The following MAP3K13 variants were observed in gnomAD, a reference collection of about 807,000 sequenced individuals.
MAP3K13 encodes the protein leucine zipper-bearing kinase.
Under a neutral mutation model 104.0 loss-of-function variants are expected in MAP3K13, and 52 were observed. The ratio of observed to expected loss-of-function variants is 0.50; its 90% CI spans 0.40 to 0.63. MAP3K13 has a LOEUF of 0.63. Ranked by LOEUF, MAP3K13 falls within the 20% of genes least tolerant of loss-of-function variation. MAP3K13 has a pLI of 0.00. For synonymous variants in MAP3K13, 394 were observed against 442.2 expected, an observed-to-expected ratio of 0.89 and a Z score of 1.37; for missense variants, 914 against 1,218.5, an observed-to-expected ratio of 0.75 and a Z score of 3.72.
In MAP3K13 at chr3:185,380,435, C is replaced by T. The variant is rs1464177784; in HGVS notation, c.-86+17067C>T. 3.4e-5 allele frequency among the ~76,000 whole-genome samples: 5 copies of T among 148,112 alleles called. No individual in the cohort carries two copies. The East Asian group carries it at 6.1e-4, about 18-fold the overall frequency. On this transcript the variant is annotated intron_variant, in intron 1 of 13. Transcript: ENST00000265026. Reference sequence around the variant, plus strand: ...CTGAGGCAGGAGAATCGCTTGAACCCGGGAGGCAGAGGTTGCAGTGAGCCG... The same window carrying T: ...CTGAGGCAGGAGAATCGCTTGAACCTGGGAGGCAGAGGTTGCAGTGAGCCG...
In MAP3K13 at chr3:185,455,299, GAT is replaced by G. The variant is rs1329609133; in HGVS notation, c.1278+3911_1278+3912del. Among the ~76,000 whole-genome samples, 7 of 65,854 alleles carry G rather than the reference GAT, an allele frequency of 1.1e-4. 1 individual carries two copies. The highest frequency in any genetic ancestry group is 2.6e-4 in the African/African-American group (5 of 19,524). 43.2% of individuals were successfully genotyped at this position (65,854 alleles called of 152,430 possible). On this transcript the variant is annotated intron_variant, in intron 7 of 13. Coordinates refer to ENST00000265026, the MANE Select transcript of MAP3K13 (RefSeq NM_004721.5). Reference sequence around the variant, plus strand: ...TGAGATATATGAGATATATATATGAGATATATATGAGATATATATGAGATATA... The same window carrying G: ...TGAGATATATGAGATATATATATGAGATATATGAGATATATATGAGATATA...
chr3:185,323,523 G>A (rs1279468807), intron 2 of MAP3K13, among the ~76,000 whole-genome samples: 1 of 151,938 alleles, frequency 6.6e-6, no homozygotes, highest in African/African-American at 2.4e-5. Flanking sequence ...AGTAGAGATG[G>A]GGTTTTTCAG....
chr3:185,298,897 G>C (rs536326892), intron 2 of MAP3K13, among the ~76,000 whole-genome samples: 6 of 152,280 alleles, frequency 3.9e-5, no homozygotes, highest in East Asian at 1.9e-4. Flanking sequence ...AAGCCAAAAG[G>C]GTTCTGTAAT....
At chr3:185,480,075 G>C in intron 12 of MAP3K13, 157 bp from the exon 13 acceptor site, 1 of 716,440 alleles carries the variant, frequency 1.4e-6, no homozygotes, top group Non-Finnish European at 2.4e-6. Flanking sequence ...TTGCCTTAAT[G>C]TTAAAAGTTA....
In MAP3K13 at chr3:185,436,109, A is replaced by T. The variant is rs1008986416; in HGVS notation, c.476-1338A>T. ...GCCTCAATGGATTACATTCTTTTTT[A>T]AAAAAGTTTCATGAGATTAAAGCAC... On this transcript the variant is annotated intron_variant, in intron 2 of 13. Coordinates refer to ENST00000265026, the MANE Select transcript of MAP3K13 (RefSeq NM_004721.5). Among the ~76,000 whole-genome samples the T allele has an allele frequency of 1.4e-4, 22 of 152,310 alleles. No homozygotes were observed. In the East Asian group the frequency reaches 2.3e-3, roughly 16 times the overall value.
intron 7 of MAP3K13, among the ~76,000 whole-genome samples, chr3:185,455,423 G>GAGATATATATGAT (rs1560119480): frequency 1.5e-4 from 6 of 40,832 alleles, no homozygotes; most frequent in African/African-American, 5.6e-4. Flanking sequence ...AGATATATAT[G>GAGATATATATGAT]ATATATATGA....
At chr3:185,304,884 G>A (rs1250220410) in intron 2 of MAP3K13, among the ~76,000 whole-genome samples, 1 of 151,978 alleles carries the variant, frequency 6.6e-6, no homozygotes, top group Non-Finnish European at 1.5e-5. Context: ...CGCCCCCTTC[G>A]GCCTCCCAAA....
chr3:185,336,530 A>C (rs1300163392), intron 2 of MAP3K13, among the ~76,000 whole-genome samples: 9 of 147,660 alleles, frequency 6.1e-5, no homozygotes, highest in Non-Finnish European at 1.0e-4. Context: ...TGACAGAGTG[A>C]GACTCTGTCT....
intron 4 of MAP3K13, among the ~76,000 whole-genome samples, chr3:185,447,097 A>G (rs17289911): frequency 0.05 from 7,567 of 152,204 alleles, 308 homozygotes; most frequent in East Asian, 0.22. Context: ...TGCCTTATAC[A>G]TGTGAAAAAA....
intron 7 of MAP3K13, among the ~76,000 whole-genome samples, chr3:185,455,916 GAT>G (rs1187499979): frequency 3.5e-5 from 5 of 141,034 alleles, no homozygotes; most frequent in South Asian, 4.3e-4. Context: ...ATATAGATGA[GAT>G]ATATATGATG....
intron 10 of MAP3K13, among the ~76,000 whole-genome samples, chr3:185,472,186 C>T (rs1717836501): frequency 6.7e-6 from 1 of 148,424 alleles, no homozygotes. Flanking sequence ...TCGTCTTCAA[C>T]ATCATCTCAT....
intron 7 of MAP3K13, among the ~76,000 whole-genome samples, chr3:185,458,668 C>T (rs140352501): frequency 1.3e-3 from 191 of 152,250 alleles, no homozygotes; most frequent in African/African-American, 4.4e-3. Context: ...TGAGGCCTTG[C>T]CTCCTCCTGC....
At chr3:185,477,473 C>A in intron 12 of MAP3K13, 77 bp downstream of exon 12, 2 of 1,041,624 alleles carry the variant, frequency 1.9e-6, no homozygotes, top group Non-Finnish European at 3.0e-6. Flanking sequence ...ACCTGCTCTT[C>A]AACCACAGGT....
chr3:185,325,660 T>C (rs1427362319), intron 2 of MAP3K13, among the ~76,000 whole-genome samples: 1 of 152,222 alleles, frequency 6.6e-6, no homozygotes, highest in African/African-American at 2.4e-5. Flanking sequence ...ATTCTGGAAC[T>C]TGAAGCAGAG....
At chr3:185,376,117 TG>T (rs1417773395) in intron 1 of MAP3K13, among the ~76,000 whole-genome samples, 1 of 151,816 alleles carries the variant, frequency 6.6e-6, no homozygotes, top group African/African-American at 2.4e-5. Flanking sequence ...GAAGGAAACA[TG>T]GGGAAATGGA....
At chr3:185,478,186 C>T (rs1055829546) in intron 12 of MAP3K13, among the ~76,000 whole-genome samples, 1 of 152,106 alleles carries the variant, frequency 6.6e-6, no homozygotes, top group Non-Finnish European at 1.5e-5. Context: ...GCTTAGATAG[C>T]GATAATAATA....
At chr3:185,442,194 A>C (rs546188024) in intron 3 of MAP3K13, among the ~76,000 whole-genome samples, 8 of 148,510 alleles carry the variant, frequency 5.4e-5, no homozygotes, top group Middle Eastern at 3.5e-3. Context: ...TTTCTTAAAA[A>C]AAAAAAAAAA....
At chr3:185,402,046 C>T (rs946283260) in intron 1 of MAP3K13, among the ~76,000 whole-genome samples, 1 of 152,136 alleles carries the variant, frequency 6.6e-6, no homozygotes, top group Admixed American at 6.5e-5. Context: ...GCAATCCATC[C>T]CCTTCTGGAT....
chr3:185,428,565 G>A lies in MAP3K13; in HGVS notation c.-17G>A, dbSNP rs753264776. The stretch of plus-strand genomic sequence containing the variant: ...TTCTGAGTGTCATCTCAGGACTTTG[G>A]TTATACTCATGGCACGATGGCCAAC... On this transcript the variant is annotated 5_prime_UTR_variant, in exon 2 of 14. Coordinates refer to ENST00000265026, the MANE Select transcript of MAP3K13 (RefSeq NM_004721.5). 5 of 1,560,636 alleles carry A rather than the reference G, an allele frequency of 3.2e-6. No individual in the cohort carries two copies. The highest frequency in any genetic ancestry group is 1.2e-5 in the South Asian group (1 of 82,058).
Sources: gnomAD v4.1 joint callset for allele counts (sites outside exome capture counted in the v4.1 genomes callset) on GRCh38, gnomAD v4.1.1 for gene constraint, MANE v1.5 for transcripts, NCBI Gene and HGNC (gene_info 2026-07-23, HGNC 2026-07-21) for gene names.